Variants in CDH18 observed in about 807,000 individuals in gnomAD.
CDH18 encodes the protein cadherin-18.
A neutral mutation model predicts 67.9 loss-of-function variants in CDH18; 31 were observed. That is an observed-to-expected ratio of 0.46 (90% confidence interval 0.34 to 0.62). The LOEUF (loss-of-function observed/expected upper bound fraction) is 0.62, where lower values mean the gene tolerates loss of function less well. Ranked by LOEUF, CDH18 falls within the 20% of genes least tolerant of loss-of-function variation. The pLI, the probability that CDH18 is intolerant of heterozygous loss-of-function variation, is 0.01. For missense variants in CDH18, 890 were observed against 975.5 expected (o/e 0.91, Z 1.17); for synonymous variants, 362 against 347.2 (o/e 1.04, Z -0.48).
intron 7 of CDH18, among the ~76,000 whole-genome samples, chr5:19,573,876 T>C (rs940310806): frequency 1.3e-5 from 2 of 152,190 alleles, no homozygotes; most frequent in Non-Finnish European, 2.9e-5. Flanking sequence ...CTATAATTTT[T>C]GGAGTTAACT....
At chr5:20,026,036 CA>C (rs1738865817) in intron 2 of CDH18, among the ~76,000 whole-genome samples, 1 of 152,106 alleles carries the variant, frequency 6.6e-6, no homozygotes, top group South Asian at 2.1e-4. Flanking sequence ...TATTCTAAAA[CA>C]TTGCTGTATT....
chr5:19,990,046 C>T (rs1561690684), upstream of CDH18, among the ~76,000 whole-genome samples: 1 of 152,126 alleles, frequency 6.6e-6, no homozygotes, highest in Admixed American at 6.5e-5. Context: ...AGGGATTCTC[C>T]TTGTGTAGTG....
intron 2 of CDH18, among the ~76,000 whole-genome samples, chr5:20,217,879 A>G (rs1010173926): frequency 6.6e-6 from 1 of 152,036 alleles, no homozygotes; most frequent in Non-Finnish European, 1.5e-5. Context: ...TATAACAGAC[A>G]AAATAGATTT....
At chr5:19,675,611 T>C (rs572523377) in intron 5 of CDH18, among the ~76,000 whole-genome samples, 1 of 152,262 alleles carries the variant, frequency 6.6e-6, no homozygotes, top group South Asian at 2.1e-4. Flanking sequence ...CCTTGTTCCC[T>C]GAACATCACT....
chr5:20,166,555 A>T (rs1445921540), intron 2 of CDH18, among the ~76,000 whole-genome samples: 1 of 152,134 alleles, frequency 6.6e-6, no homozygotes, highest in Non-Finnish European at 1.5e-5. Context: ...CTCAAATATT[A>T]GCATGAGTAA....
At chr5:20,331,214 T>A (rs1739141614) in intron 1 of CDH18, 1 of 152,224 alleles carries the variant, frequency 6.6e-6, no homozygotes. Context: ...AAGACCTGAA[T>A]CTCTACAATT....
chr5:20,039,029 A>G (rs1028675873), intron 2 of CDH18, among the ~76,000 whole-genome samples: 3 of 152,192 alleles, frequency 2.0e-5, no homozygotes, highest in Non-Finnish European at 2.9e-5. Context: ...TAAAAATCAC[A>G]AGCATTCCTT....
intron 1 of CDH18, among the ~76,000 whole-genome samples, chr5:20,490,044 G>A (rs544368202): frequency 6.6e-6 from 1 of 150,504 alleles, no homozygotes; most frequent in South Asian, 2.1e-4. Flanking sequence ...ATCATTAATT[G>A]AATATTCTAT....
chr5:20,346,558 C>T (rs77659616), intron 1 of CDH18, among the ~76,000 whole-genome samples: 5 of 152,092 alleles, frequency 3.3e-5, no homozygotes, highest in East Asian at 3.9e-4. Context: ...GACTGTGGTT[C>T]GTCTGTGAAG....
chr5:20,457,891 G>A (rs1750955677), intron 1 of CDH18, among the ~76,000 whole-genome samples: 1 of 152,076 alleles, frequency 6.6e-6, no homozygotes, highest in Non-Finnish European at 1.5e-5. Context: ...AAAACAGGAA[G>A]CAATGCAAAA....
intron 3 of CDH18, among the ~76,000 whole-genome samples, chr5:19,771,781 A>G (rs190451524): frequency 2.6e-4 from 39 of 152,340 alleles, no homozygotes; most frequent in African/African-American, 9.1e-4. Context: ...GTATACATTT[A>G]TAGGCCAAAC....
chr5:20,070,306 G>A (rs1743367210), intron 2 of CDH18, among the ~76,000 whole-genome samples: 1 of 152,040 alleles, frequency 6.6e-6, no homozygotes. Context: ...ATTGGAAGAG[G>A]TCTTGGTTGG....
intron 2 of CDH18, among the ~76,000 whole-genome samples, chr5:20,238,944 A>T (rs939630097): frequency 1.6e-4 from 24 of 152,318 alleles, no homozygotes; most frequent in African/African-American, 5.8e-4. Flanking sequence ...TCTGTAAGCA[A>T]CTCAAATACC....
intron 2 of CDH18, among the ~76,000 whole-genome samples, chr5:20,004,969 G>GA (rs1736771557): frequency 6.6e-6 from 1 of 151,968 alleles, no homozygotes; most frequent in South Asian, 2.1e-4. Flanking sequence ...CCAAATAACA[G>GA]AAAAAATAGA....
chr5:20,028,122 A>G (rs1739075809), intron 2 of CDH18, among the ~76,000 whole-genome samples: 1 of 151,614 alleles, frequency 6.6e-6, no homozygotes, highest in African/African-American at 2.4e-5. Context: ...TTTTGCAAAC[A>G]TAATTGCGGT....
intron 1 of CDH18, among the ~76,000 whole-genome samples, chr5:20,355,074 G>A (rs1393211522): frequency 1.3e-5 from 2 of 152,148 alleles, no homozygotes; most frequent in African/African-American, 4.8e-5. Flanking sequence ...CTTATTTAAG[G>A]TGTCAGATAT....
Position 19,734,698 on chromosome 5 carries a change from C to T in CDH18, c.523+12244G>A, listed in dbSNP as rs1407470775. 2.0e-5 allele frequency among the ~76,000 whole-genome samples: 3 copies of T among 152,080 alleles called. No individual in the cohort carries two copies. The East Asian group carries it at 5.8e-4, about 29-fold the overall frequency. On this transcript the variant is annotated intron_variant, in intron 4 of 12. Coordinates refer to ENST00000382275, the MANE Select transcript of CDH18 (RefSeq NM_004934.5). ...AGGGCTATACATTTGATCTATTTCC[C>T]AGTGCTGCCCACCCCCTGCCCATTA...
intron 2 of CDH18, among the ~76,000 whole-genome samples, chr5:20,055,764 G>T (rs1207050321): frequency 6.6e-6 from 1 of 152,040 alleles, no homozygotes; most frequent in African/African-American, 2.4e-5. Flanking sequence ...GGATTTTTTT[G>T]AAGAAATTTG....
chr5:19,846,502 C>T (rs918955998), intron 2 of CDH18, among the ~76,000 whole-genome samples: 2 of 152,054 alleles, frequency 1.3e-5, no homozygotes, highest in Non-Finnish European at 2.9e-5. Flanking sequence ...ACAGTTGACC[C>T]TTGAACAGCA....
Sources: allele counts gnomAD v4.1 joint callset (sites outside exome capture counted in the v4.1 genomes callset), GRCh38; gene constraint gnomAD v4.1.1; transcripts MANE v1.5; gene names NCBI Gene and HGNC (gene_info 2026-07-23, HGNC 2026-07-21).